The following TBC1D2 variants were observed in gnomAD, a reference collection of about 807,000 sequenced individuals.
TBC1D2 encodes the protein TBC1 domain family member 2.
TBC1D2 carries 58 observed loss-of-function variants against 91.1 expected under a neutral mutation model. That is an observed-to-expected ratio of 0.64 (90% confidence interval 0.52 to 0.79). The LOEUF (loss-of-function observed/expected upper bound fraction) is 0.79. TBC1D2 is among the 30% of genes least tolerant of loss of function. The probability of loss-of-function intolerance (pLI) is 0.00; values close to 1 mark genes in which losing one functional copy is unlikely to be tolerated. For missense variants in TBC1D2, 1,080 were observed against 1,208.3 expected, an observed-to-expected ratio of 0.89 and a Z score of 1.57; for synonymous variants, 482 against 511.5, an observed-to-expected ratio of 0.94 and a Z score of 0.78.
At chr9:98,204,304 C>T (rs1472604193) in intron 9 of TBC1D2, among the ~76,000 whole-genome samples, 1 of 152,186 alleles carries the variant, frequency 6.6e-6, no homozygotes, top group Non-Finnish European at 1.5e-5. Context: ...CCCTGAGAGG[C>T]TTATGACACA....
At chr9:98,208,105 G>A (rs565979215) in intron 9 of TBC1D2, among the ~76,000 whole-genome samples, 1 of 152,274 alleles carries the variant, frequency 6.6e-6, no homozygotes, top group East Asian at 1.9e-4. Flanking sequence ...AAGTTTGAGA[G>A]GCCATGTAAG....
rs1828416995 is a variant in TBC1D2 at position 98,199,334 on chromosome 9, C to T, written c.*47G>A. On this transcript the variant is annotated 3_prime_UTR_variant, in exon 13 of 13. Transcript: ENST00000465784. ...GGTCCGTGCCTGACCTCCAGTGGGT[C>T]TGCCAGCCAAGGGTGAGGAAGGCTG... is the stretch of plus-strand genomic sequence containing the variant. 6.2e-7 allele frequency: 1 copy of T among 1,606,964 alleles called. No homozygotes were observed. The highest frequency in any genetic ancestry group is 8.5e-7 in the Non-Finnish European group (1 of 1,176,114).
At chr9:98,213,486 C>A in intron 6 of TBC1D2, 1 of 1,113,508 alleles carries the variant, frequency 9.0e-7, no homozygotes, top group Non-Finnish European at 1.2e-6. Flanking sequence ...GGCCACTGAA[C>A]CACTCTGACC....
rs748868603 is a variant in TBC1D2, at chr9:98,251,894, C to T, written c.402G>A (p.Leu134=). 6.2e-7 allele frequency: 1 copy of T among 1,601,814 alleles called. No homozygotes were observed. ...CCCAGCGCTTCATCTGCAGCTGCTG[C>T]AGCCAGTACAGCATCGCTTGCTTGG... is the stretch of plus-strand genomic sequence containing the variant. ...AATKQAMLYW[L]QQLQMKRWEF... The change falls in exon 2 of 13, where the codon CTG becomes CTA. Residue 134 remains leucine (L), a synonymous_variant. Coordinates refer to ENST00000465784, the MANE Select transcript of TBC1D2 (RefSeq NM_001267571.2).
Position 98,208,886 on chromosome 9 carries a change from CTGGACACGGAGG to C in TBC1D2, c.1920_1931del (p.His640_Val643del). The C allele has an allele frequency of 6.2e-7, 1 of 1,614,130 alleles. No individual in the cohort carries two copies. The highest frequency in any genetic ancestry group is 1.1e-5 in the South Asian group (1 of 91,078). On this transcript the variant is annotated inframe_deletion, in exon 9 of 13. Transcript: ENST00000465784. The stretch of plus-strand genomic sequence containing the variant: ...GGTAGCAGCCTGGAGTGTGCAGGTG[CTGGACACGGAGG>C]TGGACCAGCCACCTCCAGACACGAG...
intron 2 of TBC1D2, among the ~76,000 whole-genome samples, chr9:98,249,187 T>C (rs191521932): frequency 1.3e-5 from 2 of 151,532 alleles, no homozygotes; most frequent in Admixed American, 1.3e-4. Context: ...GGGAGGAGAG[T>C]GCAGGCTTGC....
intron 3 of TBC1D2, among the ~76,000 whole-genome samples, chr9:98,243,585 G>A (rs1047714980): frequency 1.4e-5 from 2 of 145,630 alleles, no homozygotes; most frequent in Non-Finnish European, 3.0e-5. Context: ...CGCCCAGGCT[G>A]GAGTGCAATG....
rs60630078 is a variant in TBC1D2 at position 98,240,166 on chromosome 9, GGTGT to G, written c.647+3824_647+3827del. ...AAACAAGATCCAGGTGTGTTTGTGT[GGTGT>G]GTGTGTGTGTGTGTGTGTGTGTGTT... is the stretch of plus-strand genomic sequence containing the variant. On this transcript the variant is annotated intron_variant, in intron 3 of 12. Transcript: ENST00000465784. Among the ~76,000 whole-genome samples, 1,170 of 137,936 alleles carry G rather than the reference GGTGT, an allele frequency of 8.5e-3. 17 individuals are homozygous for G. Among genetic ancestry groups the G allele is most frequent in the African/African-American group, 0.026 (1,032 of 40,220 alleles). 90.5% of individuals were successfully genotyped at this position (137,936 alleles called of 152,430 possible).
chr9:98,237,575 C>T (rs917321243), intron 3 of TBC1D2, among the ~76,000 whole-genome samples: 16 of 146,878 alleles, frequency 1.1e-4, no homozygotes, highest in Non-Finnish European at 2.1e-4. Flanking sequence ...GGCACGATCT[C>T]GGCTCACTGC....
chr9:98,249,133 A>G (rs1829822516), intron 2 of TBC1D2, among the ~76,000 whole-genome samples: 1 of 152,010 alleles, frequency 6.6e-6, no homozygotes, highest in Admixed American at 6.6e-5. Flanking sequence ...CACCAGAAAC[A>G]TCTTTCTAGG....
intron 6 of TBC1D2, chr9:98,213,511 C>G: frequency 1.1e-6 from 1 of 892,752 alleles, no homozygotes. Context: ...GTTTCCTCAT[C>G]TGTAAAAGGG....
rs918266047 is a variant in TBC1D2 at position 98,255,639 on chromosome 9, T to TGGGCGG, written c.-104_-99dup. The stretch of plus-strand genomic sequence containing the variant: ...GGGCAGCTTCCCAAAGGGAGACACC[T>TGGGCGG]GGGCGGGGGCGGGGCCGACGGCGAA... On this transcript the variant is annotated 5_prime_UTR_variant, in exon 1 of 13. Transcript: ENST00000465784. 1.5e-6 allele frequency: 2 copies of TGGGCGG among 1,350,296 alleles called. No homozygotes were observed. Among genetic ancestry groups the TGGGCGG allele is most frequent in the African/African-American group, 1.5e-5 (1 of 66,836 alleles). The allele number at this position is 1,350,296 out of a possible 1,614,324, so 83.6% of individuals were successfully genotyped here.
Position 98,203,272 on chromosome 9 carries a change from T to C in TBC1D2, c.2271+16A>G. 1 of 1,614,032 alleles carries C rather than the reference T, an allele frequency of 6.2e-7. No individual in the cohort carries two copies. Among genetic ancestry groups the C allele is most frequent in the Non-Finnish European group, 8.5e-7 (1 of 1,179,914 alleles). ...TGCCCTACATGGCTGCAAAGTCCCC[T>C]CCTGGCCCCACTTACCTGGGATGCC... On this transcript the variant is annotated intron_variant, in intron 10 of 12. Transcript: ENST00000465784.
In TBC1D2 at chr9:98,200,309, A is replaced by T; in HGVS notation, c.2523T>A (p.Asn841Lys). Residue 841 changes from asparagine to lysine, a missense_variant, in exon 12 of 13, where the codon AAT becomes AAA. Transcript: ENST00000465784. ...YNEKEILRLQ[N>K]GLEIYQYLRF... is the part of the protein sequence containing the mutation. ...GCAGGTACTGGTAGATTTCCAGGCCATTCTGTAGCCTCAAGATCTCCTTCT... is the reference window on the plus strand; with the variant it reads ...GCAGGTACTGGTAGATTTCCAGGCCTTTCTGTAGCCTCAAGATCTCCTTCT... 1 of 1,613,222 alleles carries T rather than the reference A, an allele frequency of 6.2e-7. No homozygotes were observed. The highest frequency in any genetic ancestry group is 1.1e-5 in the South Asian group (1 of 91,012).
At chr9:98,216,387 G>A (rs931969239) in intron 6 of TBC1D2, among the ~76,000 whole-genome samples, 1 of 152,210 alleles carries the variant, frequency 6.6e-6, no homozygotes, top group African/African-American at 2.4e-5. Flanking sequence ...CCCCGCAAGG[G>A]AGGAAAGGAC....
At position 98,200,251 on chromosome 9, in the gene TBC1D2, A is replaced by G. The variant is rs766578276; in HGVS notation, c.2579+2T>C. The G allele has an allele frequency of 6.2e-7, 1 of 1,613,266 alleles. No homozygotes were observed. Among genetic ancestry groups the G allele is most frequent in the Non-Finnish European group, 8.5e-7 (1 of 1,179,794 alleles). Reference sequence around the variant, plus strand: ...GAGTGGCAGGGGGTGGGGGTTCCTCACCGGCTGTTGGAGATGGTCTTGGTG... The same window carrying G: ...GAGTGGCAGGGGGTGGGGGTTCCTCGCCGGCTGTTGGAGATGGTCTTGGTG... On this transcript the variant is annotated splice_donor_variant, in intron 12 of 12. Transcript: ENST00000465784. LOFTEE classifies it high-confidence loss of function.
chr9:98,227,560 C>T (rs914556436), intron 5 of TBC1D2, among the ~76,000 whole-genome samples: 6 of 151,972 alleles, frequency 3.9e-5, no homozygotes, highest in Non-Finnish European at 8.8e-5. Context: ...AGTTCGAAAC[C>T]AGCCTTGCCA....
chr9:98,234,328 A>C (rs1163125902), intron 3 of TBC1D2, among the ~76,000 whole-genome samples: 2 of 152,204 alleles, frequency 1.3e-5, no homozygotes, highest in Non-Finnish European at 2.9e-5. Flanking sequence ...ATAGTACCAA[A>C]GGCTGACCTA....
intron 3 of TBC1D2, among the ~76,000 whole-genome samples, chr9:98,240,503 T>A (rs77773670): frequency 7.9e-5 from 12 of 152,212 alleles, no homozygotes; most frequent in Non-Finnish European, 1.8e-4. Flanking sequence ...TGAGCATCAC[T>A]TTATGCTGGG....
Sources: allele counts gnomAD v4.1 joint callset (sites outside exome capture counted in the v4.1 genomes callset), GRCh38; gene constraint gnomAD v4.1.1; transcripts MANE v1.5; gene names NCBI Gene and HGNC (gene_info 2026-07-23, HGNC 2026-07-21).